The following RUFY1 variants were observed in gnomAD, a reference collection of about 807,000 sequenced individuals.
RUFY1 encodes the protein RUN and FYVE domain containing 1, also known as RUN and FYVE domain-containing protein 1.
A neutral mutation model predicts 94.6 loss-of-function variants in RUFY1; 54 were observed. The ratio of observed to expected loss-of-function variants is 0.57; its 90% confidence interval spans 0.46 to 0.72. The LOEUF (loss-of-function observed/expected upper bound fraction) is 0.72. Ranked by LOEUF, RUFY1 falls within the 30% of genes least tolerant of loss-of-function variation. The pLI is 0.00. For synonymous variants in RUFY1, 396 were observed against 347.3 expected, an observed-to-expected ratio of 1.14 and a Z score of -1.56; for missense variants, 883 against 883.9, an observed-to-expected ratio of 1.00 and a Z score of 0.01.
chr5:179,568,239 C>G (rs887173476), intron 4 of RUFY1, among the ~76,000 whole-genome samples: 2 of 152,078 alleles, frequency 1.3e-5, no homozygotes, highest in Non-Finnish European at 2.9e-5. Flanking sequence ...GAGCAAGACT[C>G]TGTCTCAAAA....
intron 8 of RUFY1, among the ~76,000 whole-genome samples, 169 bp downstream of exon 8, chr5:179,586,034 G>A (rs1764582740): frequency 6.6e-6 from 1 of 152,146 alleles, no homozygotes; most frequent in South Asian, 2.1e-4. Context: ...CTCTGTCCGA[G>A]GCTCCCAGTG....
At chr5:179,552,177 A>AAAAAAC (rs1561943513) in intron 1 of RUFY1, among the ~76,000 whole-genome samples, 2 of 150,874 alleles carry the variant, frequency 1.3e-5, no homozygotes, top group Non-Finnish European at 3.0e-5. Flanking sequence ...AAAAAAAAAA[A>AAAAAAC]AAAAAAAAAA....
chr5:179,579,120 C>T (rs1763886697), intron 6 of RUFY1, among the ~76,000 whole-genome samples: 1 of 152,150 alleles, frequency 6.6e-6, no homozygotes, highest in African/African-American at 2.4e-5. Context: ...TCACCTTGCG[C>T]ATATGTTACC....
At chr5:179,593,169 G>A (rs1262552475) in intron 10 of RUFY1, among the ~76,000 whole-genome samples, 7 of 152,078 alleles carry the variant, frequency 4.6e-5, no homozygotes, top group African/African-American at 7.2e-5. Context: ...TCCGCCTCCC[G>A]GATTCAAGCA....
chr5:179,571,135 T>G (rs1304249470), intron 5 of RUFY1, among the ~76,000 whole-genome samples: 1 of 152,216 alleles, frequency 6.6e-6, no homozygotes, highest in Non-Finnish European at 1.5e-5. Context: ...AATGACTATG[T>G]AGTATTTCAT....
At position 179,600,684 on chromosome 5, in the gene RUFY1, C is replaced by CTTTTT. The variant is rs398000079; in HGVS notation, c.1762-1182_1762-1178dup. On this transcript the variant is annotated intron_variant, in intron 14 of 17. Coordinates refer to ENST00000319449, the MANE Select transcript of RUFY1 (RefSeq NM_025158.5). ...AGCCTCATTTGTCCTATGATGGTAACTTTTTTTTTTTTTTTTTTTTTTTTT... is the reference window on the plus strand; with the variant it reads ...AGCCTCATTTGTCCTATGATGGTAACTTTTTTTTTTTTTTTTTTTTTTTTTTTTTT... 4.7e-3 allele frequency among the ~76,000 whole-genome samples: 258 copies of CTTTTT among 54,726 alleles called. 30 individuals are homozygous for CTTTTT. The highest frequency in any genetic ancestry group is 9.6e-3 in the South Asian group (9 of 940). 35.9% of individuals were successfully genotyped at this position (54,726 alleles called of 152,430 possible).
chr5:179,551,234 G>C (rs1238727230), intron 1 of RUFY1, among the ~76,000 whole-genome samples: 1 of 152,256 alleles, frequency 6.6e-6, no homozygotes, highest in African/African-American at 2.4e-5. Context: ...GGAGTGGAGC[G>C]CCGGCGGGTG....
intron 10 of RUFY1, among the ~76,000 whole-genome samples, chr5:179,593,070 G>GT (rs1000417055): frequency 5.3e-5 from 8 of 152,048 alleles, no homozygotes; most frequent in African/African-American, 1.9e-4. Context: ...CCTTCAGTTT[G>GT]TTTGTTTTGT....
chr5:179,591,261 T>C (rs1744472646), intron 9 of RUFY1, among the ~76,000 whole-genome samples: 1 of 152,126 alleles, frequency 6.6e-6, no homozygotes, highest in South Asian at 2.1e-4. Context: ...CTTGGCTCAC[T>C]GCAAGCTCTG....
intron 2 of RUFY1, among the ~76,000 whole-genome samples, chr5:179,560,815 A>C (rs1762402700): frequency 6.6e-6 from 1 of 152,162 alleles, no homozygotes. Context: ...TAAGAAAAAA[A>C]AGTTAACCTA....
At chr5:179,581,973 C>T (rs1020174189) in intron 7 of RUFY1, among the ~76,000 whole-genome samples, 23 of 152,100 alleles carry the variant, frequency 1.5e-4, no homozygotes, top group African/African-American at 5.1e-4. Context: ...GCATGAGCCA[C>T]CACACCCAGC....
chr5:179,594,252 A>G (rs1048469570), intron 11 of RUFY1, among the ~76,000 whole-genome samples: 1 of 151,918 alleles, frequency 6.6e-6, no homozygotes, highest in African/African-American at 2.4e-5. Context: ...GTGAGCCGAA[A>G]TCATTCCGTT....
chr5:179,598,913 G>C (rs532966416), intron 14 of RUFY1, 92 bp downstream of exon 14: 2 of 1,461,548 alleles, frequency 1.4e-6, no homozygotes, highest in East Asian at 4.6e-5. Context: ...CGCACCCTTT[G>C]TGTGGGGGCC....
intron 1 of RUFY1, 90 bp from the exon 2 acceptor site, chr5:179,559,935 C>T (rs1463635172): frequency 6.7e-7 from 1 of 1,503,132 alleles, no homozygotes; most frequent in Non-Finnish European, 8.9e-7. Context: ...CGCCTGGCCT[C>T]CTGCCTGACC....
intron 5 of RUFY1, among the ~76,000 whole-genome samples, 162 bp from the exon 6 acceptor site, chr5:179,576,913 G>C (rs1763656347): frequency 6.6e-6 from 1 of 151,738 alleles, no homozygotes; most frequent in African/African-American, 2.4e-5. Context: ...GTAGGGTTAG[G>C]TTTTTTTGGT....
chr5:179,551,064 C>T (rs1761815865), intron 1 of RUFY1, among the ~76,000 whole-genome samples, 185 bp downstream of exon 1: 1 of 150,102 alleles, frequency 6.7e-6, no homozygotes, highest in Non-Finnish European at 1.5e-5. Flanking sequence ...GAGACCGCCC[C>T]CCGCAGCCCC....
In RUFY1 at chr5:179,569,485, A is replaced by T. The variant is rs1763064346; in HGVS notation, c.828+60A>T. On this transcript the variant is annotated intron_variant, in intron 5 of 17. Transcript: ENST00000319449. Reference sequence around the variant, plus strand: ...CGTTAGTCCAGGGACTTTACATAGGATCTGCAAACAGGTACTGAACCCAAA... The same window carrying T: ...CGTTAGTCCAGGGACTTTACATAGGTTCTGCAAACAGGTACTGAACCCAAA... 1.0e-5 allele frequency: 16 copies of T among 1,557,134 alleles called. No individual in the cohort carries two copies. In the Admixed American group the frequency reaches 2.5e-4, roughly 24 times the overall value.
At position 179,593,471 on chromosome 5, in the gene RUFY1, T is replaced by A; in HGVS notation, c.1246-7T>A. On this transcript the variant is annotated splice_region_variant and splice_polypyrimidine_tract_variant and intron_variant, in intron 10 of 17. Transcript: ENST00000319449. ...AATAACATTTTCCTTGTAAATATCC[T>A]TTTAAGGAACTGGAAAAAGAACTGG... 6.3e-7 allele frequency: 1 copy of A among 1,585,214 alleles called. No homozygotes were observed. The highest frequency in any genetic ancestry group is 1.3e-5 in the African/African-American group (1 of 74,416).
At chr5:179,559,716 G>T (rs1472762368) in intron 1 of RUFY1, 2 of 1,074,484 alleles carry the variant, frequency 1.9e-6, no homozygotes, top group Non-Finnish European at 1.1e-6. Context: ...GGTTGCGGGA[G>T]AAGCCAAACG....
Sources: gnomAD v4.1 joint callset for allele counts (sites outside exome capture counted in the v4.1 genomes callset) on GRCh38, gnomAD v4.1.1 for gene constraint, MANE v1.5 for transcripts, NCBI Gene and HGNC (gene_info 2026-07-23, HGNC 2026-07-21) for gene names.